Variants in RFC2 observed in about 807,000 individuals in gnomAD.
RFC2 encodes the protein A1 40 kDa subunit.
A neutral mutation model predicts 44.8 loss-of-function variants in RFC2; 34 were observed. The observed-to-expected ratio is 0.76, with a 90% CI of 0.58 to 1.01. The LOEUF is 1.01. Ranked by LOEUF, RFC2 falls within the 50% of genes least tolerant of loss-of-function variation. The pLI, the probability that RFC2 is intolerant of heterozygous loss-of-function variation, is 0.00. For synonymous variants in RFC2, 177 were observed against 168.9 expected (o/e 1.05, Z -0.37); for missense variants, 400 against 453.6 (o/e 0.88, Z 1.07).
rs1563988328 is a variant in RFC2 at position 74,238,219 on chromosome 7, G to C, written c.759+704C>G. ...TACCCAGATGCTTCAAAAATCGCTTGTCTGTTGTCCACAAACCTGGTAAGA... is the reference window on the plus strand; with the variant it reads ...TACCCAGATGCTTCAAAAATCGCTTCTCTGTTGTCCACAAACCTGGTAAGA... On this transcript the variant is annotated intron_variant, in intron 8 of 10. Coordinates refer to ENST00000055077, the MANE Select transcript of RFC2 (RefSeq NM_181471.3). The surrounding 1 kb of genome is among the most constrained non-coding windows in gnomAD (Gnocchi z 4.0). Among the ~76,000 whole-genome samples, 3 of 152,128 alleles carry C rather than the reference G, an allele frequency of 2.0e-5. 1 individual carries two copies. The highest frequency in any genetic ancestry group is 1.5e-5 in the Non-Finnish European group (1 of 68,018).
intron 10 of RFC2, among the ~76,000 whole-genome samples, chr7:74,234,822 T>C (rs1379394753): frequency 6.6e-6 from 1 of 151,938 alleles, no homozygotes; most frequent in African/African-American, 2.4e-5. Context: ...CCTGAACCCC[T>C]CCCTAGAAGC....
At chr7:74,250,594 C>T (rs966140806) in intron 2 of RFC2, among the ~76,000 whole-genome samples, 27 of 152,102 alleles carry the variant, frequency 1.8e-4, no homozygotes, top group African/African-American at 6.5e-4. Flanking sequence ...ATAACCAGGG[C>T]TTCACCATCC....
chr7:74,242,740 C>T (rs1327464204), intron 6 of RFC2, among the ~76,000 whole-genome samples: 1 of 143,324 alleles, frequency 7.0e-6, no homozygotes, highest in Non-Finnish European at 1.5e-5. Context: ...ATGGTGAAAC[C>T]CCATCTCTTA....
intron 4 of RFC2, among the ~76,000 whole-genome samples, chr7:74,248,174 GT>G (rs1284659035): frequency 6.0e-5 from 9 of 150,506 alleles, no homozygotes; most frequent in South Asian, 2.1e-4. Context: ...TCAGATCTGG[GT>G]TTTTTTTTCA....
At chr7:74,249,582 C>T (rs528593865) in intron 3 of RFC2, among the ~76,000 whole-genome samples, 157 bp downstream of exon 3, 54 of 151,942 alleles carry the variant, frequency 3.6e-4, no homozygotes, top group African/African-American at 1.3e-3. Flanking sequence ...AATACAGCAA[C>T]CAACCCCAGG....
intron 9 of RFC2, among the ~76,000 whole-genome samples, chr7:74,237,095 T>C (rs1803063288): frequency 6.6e-6 from 1 of 151,956 alleles, no homozygotes. Context: ...CTAGACAGAT[T>C]AACACATAGC....
chr7:74,248,173 G>C (rs1803730437), intron 4 of RFC2, among the ~76,000 whole-genome samples: 2 of 151,878 alleles, frequency 1.3e-5, no homozygotes, highest in African/African-American at 4.8e-5. Context: ...TTCAGATCTG[G>C]GTTTTTTTTT....
chr7:74,234,095 C>T (rs1314075650), intron 10 of RFC2, among the ~76,000 whole-genome samples: 3 of 152,138 alleles, frequency 2.0e-5, no homozygotes, highest in Non-Finnish European at 4.4e-5. Flanking sequence ...CTGTGGTACA[C>T]GCACAGGATG....
At chr7:74,248,988 T>A in intron 4 of RFC2, 24 bp downstream of exon 4, 1 of 1,534,612 alleles carries the variant, frequency 6.5e-7, no homozygotes, top group Non-Finnish European at 9.0e-7. Context: ...CCCGCCCCCC[T>A]ACAGGTCTGA....
intron 3 of RFC2, 105 bp from the exon 4 acceptor site, chr7:74,249,223 G>A: frequency 1.3e-6 from 2 of 1,570,836 alleles, no homozygotes; most frequent in African/African-American, 1.3e-5. Flanking sequence ...TCTGACCCCT[G>A]CATTCCACCC....
chr7:74,249,768 C>T lies in RFC2; in HGVS notation c.196G>A (p.Glu66Lys). ...TVSRLEVFAR[E>K]GNVPNIIIAG... ...ATGATGATGTTGGGCACATTTCCTTCCCTTGCAAAGACCTACGGCGAAAAT... is the reference window on the plus strand; with the variant it reads ...ATGATGATGTTGGGCACATTTCCTTTCCTTGCAAAGACCTACGGCGAAAAT... The change falls in exon 3 of 11, where the codon GAA becomes AAA. Residue 66 changes from glutamate to lysine, a missense_variant. Transcript: ENST00000055077. 1 of 1,613,748 alleles carries T rather than the reference C, an allele frequency of 6.2e-7. No homozygotes were observed.
chr7:74,241,530 G>A (rs1171806753), intron 6 of RFC2, among the ~76,000 whole-genome samples: 2 of 152,210 alleles, frequency 1.3e-5, no homozygotes, highest in Non-Finnish European at 2.9e-5. Context: ...GGCCTGGGTG[G>A]CAAGGGGGTT....
At chr7:74,244,096 C>CAAAAAAAA (rs1179272254) in intron 5 of RFC2, among the ~76,000 whole-genome samples, 9 of 41,612 alleles carry the variant, frequency 2.2e-4, no homozygotes, top group African/African-American at 3.0e-4. Flanking sequence ...ACTAAAAATA[C>CAAAAAAAA]AAAAAAAAAA....
intron 10 of RFC2, among the ~76,000 whole-genome samples, chr7:74,233,104 G>A (rs1468215666): frequency 6.6e-6 from 1 of 152,040 alleles, no homozygotes; most frequent in Non-Finnish European, 1.5e-5. Context: ...CCAGCTACTC[G>A]GGAGCCTGAG....
chr7:74,249,083 C>T lies in RFC2; in HGVS notation c.261G>A (p.Leu87=). The T allele has an allele frequency of 1.2e-6, 2 of 1,614,084 alleles. No individual in the cohort carries two copies. Among genetic ancestry groups the T allele is most frequent in the South Asian group, 1.1e-5 (1 of 91,084 alleles). The stretch of plus-strand genomic sequence containing the variant: ...GGCCCAGCAGGGCCCGGGCCAAGCA[C>T]AGAATGCTTGTGGTCTTGCCGGTTC... ...PPGTGKTTSI[L]CLARALLGPA... is the part of the protein sequence containing the mutation. Residue 87 remains leucine, a synonymous_variant, in exon 4 of 11, where the codon CTG becomes CTA. Transcript: ENST00000055077.
chr7:74,251,124 C>T (rs1786912739), intron 2 of RFC2, among the ~76,000 whole-genome samples: 1 of 151,662 alleles, frequency 6.6e-6, no homozygotes, highest in African/African-American at 2.4e-5. Flanking sequence ...ATCCTTGACT[C>T]CTCCCTGCCC....
In RFC2 at chr7:74,241,434, T is replaced by C. The variant is rs375409723; in HGVS notation, c.536-1339A>G. The stretch of plus-strand genomic sequence containing the variant: ...TGGGAAGGGAAAAGAATGCAAAGGA[T>C]TCTTGACACTGCTGAGAGCCCCACC... On this transcript the variant is annotated intron_variant, in intron 6 of 10. Coordinates refer to ENST00000055077, the MANE Select transcript of RFC2 (RefSeq NM_181471.3). 7.9e-5 allele frequency among the ~76,000 whole-genome samples: 12 copies of C among 152,322 alleles called. 1 individual carries two copies. In the East Asian group the frequency reaches 2.3e-3, roughly 29 times the overall value.
At chr7:74,247,389 T>A (rs1023207642) in intron 4 of RFC2, among the ~76,000 whole-genome samples, 1 of 152,142 alleles carries the variant, frequency 6.6e-6, no homozygotes, top group Non-Finnish European at 1.5e-5. Flanking sequence ...ACACCTGTAA[T>A]CCCAACACTT....
intron 4 of RFC2, among the ~76,000 whole-genome samples, chr7:74,247,899 G>C (rs1029617189): frequency 1.3e-5 from 2 of 152,092 alleles, no homozygotes; most frequent in Non-Finnish European, 2.9e-5. Flanking sequence ...TTTTGCTCAA[G>C]TCCCTTATAT....
Sources: gnomAD v4.1 joint callset for allele counts (sites outside exome capture counted in the v4.1 genomes callset) on GRCh38, gnomAD v4.1.1 for gene constraint, Gnocchi (gnomAD v3.1) non-coding constraint, MANE v1.5 for transcripts, NCBI Gene and HGNC (gene_info 2026-07-23, HGNC 2026-07-21) for gene names.